GRM7: variants seen among roughly 807,000 people sequenced by gnomAD.
The protein encoded by GRM7 is metabotropic glutamate receptor 7.
In GRM7, 35 loss-of-function variants were observed where a neutral mutation model predicts 84.5. That is an observed-to-expected ratio of 0.41 (90% CI 0.32 to 0.55). The LOEUF is 0.55. GRM7 is among the 20% of genes least tolerant of loss of function. GRM7 has a pLI of 0.19. For missense variants in GRM7, 1,003 were observed against 1,194.6 expected (o/e 0.84, Z 2.36); for synonymous variants, 487 against 455.1 (o/e 1.07, Z -0.89).
intron 1 of GRM7, among the ~76,000 whole-genome samples, chr3:7,114,438 AC>A (rs1445115250): frequency 3.9e-5 from 6 of 152,054 alleles, no homozygotes; most frequent in African/African-American, 9.7e-5. Flanking sequence ...ACATCTGGTG[AC>A]CCCCTGATAA....
intron 8 of GRM7, among the ~76,000 whole-genome samples, chr3:7,674,815 T>C (rs1700063218): frequency 6.6e-6 from 1 of 152,180 alleles, no homozygotes; most frequent in African/African-American, 2.4e-5. Context: ...TCAATAAAAA[T>C]GGCGAACTTA....
intron 1 of GRM7, among the ~76,000 whole-genome samples, chr3:7,119,217 ATTG>A (rs1358072469): frequency 6.6e-6 from 1 of 151,966 alleles, no homozygotes. Context: ...GTTCCTCAGT[ATTG>A]TTTTCCCATA....
chr3:7,369,884 T>A (rs1269910341), intron 4 of GRM7, among the ~76,000 whole-genome samples: 1 of 152,168 alleles, frequency 6.6e-6, no homozygotes, highest in Non-Finnish European at 1.5e-5. Flanking sequence ...ATAACCGTAT[T>A]CTGGTTTACA....
rs1246842413 is a variant in GRM7, at chr3:7,078,856, T to TG, written c.520-67596_520-67595insG. Among the ~76,000 whole-genome samples, 179 of 151,756 alleles carry TG rather than the reference T, an allele frequency of 1.2e-3. 3 individuals are homozygous for TG. Among genetic ancestry groups the TG allele is most frequent in the African/African-American group, 3.6e-3 (147 of 41,398 alleles). ...GTCCTTTTGGAACTCTGAGTTTGTT[T>TG]TTTTTTTTTCATTTCTTTGCTGTGG... is the stretch of plus-strand genomic sequence containing the variant. On this transcript the variant is annotated intron_variant, in intron 1 of 9. Coordinates refer to ENST00000357716, the MANE Select transcript of GRM7 (RefSeq NM_000844.4).
intron 1 of GRM7, among the ~76,000 whole-genome samples, chr3:6,891,269 G>C (rs1159615136): frequency 2.6e-5 from 4 of 152,252 alleles, no homozygotes; most frequent in Admixed American, 2.0e-4. Flanking sequence ...ATTTGATCCT[G>C]TCATTATGAT....
intron 2 of GRM7, among the ~76,000 whole-genome samples, chr3:7,203,905 C>A (rs1044003358): frequency 1.3e-5 from 2 of 152,048 alleles, no homozygotes; most frequent in Non-Finnish European, 2.9e-5. Flanking sequence ...AGGAAAGATT[C>A]TCTAGAGAAG....
chr3:6,966,047 T>C (rs1303886334), intron 1 of GRM7, among the ~76,000 whole-genome samples: 3 of 152,208 alleles, frequency 2.0e-5, no homozygotes, highest in Non-Finnish European at 2.9e-5. Context: ...TTTGCAGGAA[T>C]GTTTCAGAAG....
At chr3:7,392,223 A>G (rs1028419245) in intron 4 of GRM7, among the ~76,000 whole-genome samples, 1 of 152,054 alleles carries the variant, frequency 6.6e-6, no homozygotes, top group Non-Finnish European at 1.5e-5. Context: ...GAGCAATGAC[A>G]CTCACAGACC....
At chr3:7,696,697 G>T (rs1701032888) in intron 9 of GRM7, among the ~76,000 whole-genome samples, 1 of 152,042 alleles carries the variant, frequency 6.6e-6, no homozygotes, top group African/African-American at 2.4e-5. Context: ...TTTTTTCTGT[G>T]CATGGTTAGC....
intron 1 of GRM7, among the ~76,000 whole-genome samples, chr3:6,957,354 C>T (rs1009683553): frequency 1.3e-5 from 2 of 152,140 alleles, no homozygotes; most frequent in African/African-American, 2.4e-5. Context: ...CAATGGCAGC[C>T]GAAGCCCCGG....
intron 1 of GRM7, among the ~76,000 whole-genome samples, chr3:6,952,569 G>A (rs1409879184): frequency 6.6e-6 from 1 of 152,052 alleles, no homozygotes; most frequent in Non-Finnish European, 1.5e-5. Flanking sequence ...CTGCATTTTG[G>A]CCTAAAATCT....
At chr3:7,506,701 G>A (rs1700049480) in intron 7 of GRM7, among the ~76,000 whole-genome samples, 1 of 152,010 alleles carries the variant, frequency 6.6e-6, no homozygotes, top group Non-Finnish European at 1.5e-5. Context: ...AAGGCTCTTG[G>A]CAAAAAGGCA....
At chr3:7,653,510 T>G (rs1368399144) in intron 8 of GRM7, among the ~76,000 whole-genome samples, 5 of 152,108 alleles carry the variant, frequency 3.3e-5, no homozygotes, top group Admixed American at 3.3e-4. Flanking sequence ...TATCTCAAAG[T>G]CCAGTCCCCA....
At chr3:7,582,312 G>T (rs778764315) in intron 8 of GRM7, among the ~76,000 whole-genome samples, 4 of 152,134 alleles carry the variant, frequency 2.6e-5, no homozygotes, top group Non-Finnish European at 4.4e-5. Flanking sequence ...AAATTCTATA[G>T]GTGATATGTT....
chr3:7,134,429 G>GTCATCA (rs59201451), intron 1 of GRM7, among the ~76,000 whole-genome samples: 1,722 of 150,842 alleles, frequency 0.011, 23 homozygotes, highest in African/African-American at 0.038. Context: ...CATCATCATC[G>GTCATCA]TCATCATCAT....
intron 5 of GRM7, among the ~76,000 whole-genome samples, chr3:7,422,272 T>A (rs2124829957): frequency 6.6e-6 from 1 of 152,284 alleles, no homozygotes; most frequent in South Asian, 2.1e-4. Flanking sequence ...ACAATATATG[T>A]AAACAAATGG....
intron 9 of GRM7, chr3:7,682,371 A>G (rs1338887185): frequency 1.3e-5 from 2 of 151,866 alleles, no homozygotes; most frequent in Non-Finnish European, 2.9e-5. Context: ...AAGAAAAAAA[A>G]GAGAAGAATT....
At chr3:6,869,856 G>A (rs1040299696) in intron 1 of GRM7, among the ~76,000 whole-genome samples, 1 of 152,112 alleles carries the variant, frequency 6.6e-6, no homozygotes, top group African/African-American at 2.4e-5. Context: ...TCTACCTGCA[G>A]AGCTTTGGGA....
At chr3:7,030,948 C>T (rs890476785) in intron 1 of GRM7, among the ~76,000 whole-genome samples, 1 of 152,168 alleles carries the variant, frequency 6.6e-6, no homozygotes, top group Non-Finnish European at 1.5e-5. Flanking sequence ...CTTGCTCCTC[C>T]TTAGACAAAT....
Sources: allele counts gnomAD v4.1 joint callset (sites outside exome capture counted in the v4.1 genomes callset), GRCh38; gene constraint gnomAD v4.1.1; transcripts MANE v1.5; gene names NCBI Gene and HGNC (gene_info 2026-07-23, HGNC 2026-07-21).